EHBP1: variants seen among roughly 807,000 people sequenced by gnomAD.
EHBP1 encodes the protein EH domain-binding protein 1.
In EHBP1, 55 loss-of-function variants were observed where a neutral mutation model predicts 144.0. That is an observed-to-expected ratio of 0.38 (90% CI 0.31 to 0.48). The LOEUF is 0.48. Among genes scored for constraint, EHBP1 ranks in the 20% least tolerant of loss-of-function variants. EHBP1 has a pLI of 0.98. For missense variants in EHBP1, 1,200 were observed against 1,364.2 expected, an observed-to-expected ratio of 0.88 and a Z score of 1.90; for synonymous variants, 469 against 472.7, an observed-to-expected ratio of 0.99 and a Z score of 0.10.
In EHBP1 at chr2:62,771,347, T is replaced by C; in HGVS notation, c.267T>C (p.His89=). 1.3e-6 allele frequency: 2 copies of C among 1,595,238 alleles called. No individual in the cohort carries two copies. Among genetic ancestry groups the C allele is most frequent in the Non-Finnish European group, 1.7e-6 (2 of 1,170,560 alleles). The change falls in exon 5 of 23, where the codon CAT becomes CAC. Residue 89 remains histidine (H), a synonymous_variant. Coordinates refer to ENST00000431489, the MANE Select transcript of EHBP1 (RefSeq NM_001142616.3). The stretch of plus-strand genomic sequence containing the variant: ...TTTTGCTTTTGTTACAGGATCCTCA[T>C]GCGGAAGAATTTGAAGACAAAGAGT... ...EITVTLFKDP[H]AEEFEDKEWT...
intron 21 of EHBP1, among the ~76,000 whole-genome samples, chr2:63,041,260 C>T (rs1415970310): frequency 6.6e-6 from 1 of 152,136 alleles, no homozygotes; most frequent in Admixed American, 6.5e-5. Flanking sequence ...GCAGGAGTTT[C>T]ATTCTACTGA....
At chr2:62,730,238 C>T (rs1050007688) in intron 2 of EHBP1, among the ~76,000 whole-genome samples, 2 of 151,968 alleles carry the variant, frequency 1.3e-5, no homozygotes, top group Non-Finnish European at 2.9e-5. Context: ...GACATGATTC[C>T]ACCGTTATAG....
chr2:62,780,378 G>T (rs1390604826), intron 5 of EHBP1, among the ~76,000 whole-genome samples: 5 of 151,950 alleles, frequency 3.3e-5, no homozygotes, highest in African/African-American at 7.3e-5. Flanking sequence ...ATTAGGCGGG[G>T]TATAATAGAT....
chr2:62,955,473 C>T, intron 13 of EHBP1, 44 bp from the exon 14 acceptor site: 1 of 1,563,758 alleles, frequency 6.4e-7, no homozygotes, highest in Non-Finnish European at 8.7e-7. Context: ...ATGTAGATTA[C>T]CCGTTTTTTT....
chr2:63,016,104 G>GA (rs1206278218), intron 19 of EHBP1, among the ~76,000 whole-genome samples: 3 of 151,936 alleles, frequency 2.0e-5, no homozygotes, highest in Non-Finnish European at 4.4e-5. Context: ...AAAGAAACCA[G>GA]AAAAAATGAT....
intron 10 of EHBP1, among the ~76,000 whole-genome samples, chr2:62,936,762 T>C (rs935525048): frequency 6.6e-5 from 10 of 152,146 alleles, no homozygotes; most frequent in Non-Finnish European, 1.5e-4. Flanking sequence ...GAGAATAAAG[T>C]GAAGTGATTT....
chr2:62,785,493 G>A (rs1229622862), intron 5 of EHBP1, among the ~76,000 whole-genome samples: 1 of 152,152 alleles, frequency 6.6e-6, no homozygotes, highest in Admixed American at 6.6e-5. Context: ...GTCAGAGAGT[G>A]TAGGGTGACT....
intron 10 of EHBP1, among the ~76,000 whole-genome samples, chr2:62,895,070 C>T (rs1355796478): frequency 1.3e-5 from 2 of 152,116 alleles, no homozygotes; most frequent in Non-Finnish European, 2.9e-5. Flanking sequence ...CATTTGGTAT[C>T]ATTCTACTTA....
chr2:62,726,628 T>A (rs2151972052), intron 2 of EHBP1: 1 of 152,326 alleles, frequency 6.6e-6, no homozygotes, highest in South Asian at 2.1e-4. Flanking sequence ...TTTGTTTTTA[T>A]TTTTTATTTT....
intron 17 of EHBP1, 92 bp downstream of exon 17, chr2:62,993,760 C>CTATATATATATACT: frequency 1.5e-6 from 1 of 682,044 alleles, no homozygotes; most frequent in Non-Finnish European, 2.1e-6. Context: ...ATATATATAG[C>CTATATATATATACT]ATATATATAT....
At chr2:62,721,975 C>A (rs1280841317) in intron 2 of EHBP1, among the ~76,000 whole-genome samples, 1 of 152,110 alleles carries the variant, frequency 6.6e-6, no homozygotes, top group Non-Finnish European at 1.5e-5. Context: ...TACATTTCCC[C>A]TCAATTCCCC....
Position 62,709,601 on chromosome 2 carries a change from G to A in EHBP1, c.104+2306G>A, listed in dbSNP as rs182709000. Among the ~76,000 whole-genome samples, 24 of 152,168 alleles carry A rather than the reference G, an allele frequency of 1.6e-4. No individual in the cohort carries two copies. In the South Asian group the frequency reaches 2.9e-3, roughly 18 times the overall value. Reference sequence around the variant, plus strand: ...TGTGTCTAAAGGTAAAAGCTACAGCGAAAATTTAGCTTGATTGCAGTTGAA... The same window carrying A: ...TGTGTCTAAAGGTAAAAGCTACAGCAAAAATTTAGCTTGATTGCAGTTGAA... On this transcript the variant is annotated intron_variant, in intron 2 of 22. Coordinates refer to ENST00000431489, the MANE Select transcript of EHBP1 (RefSeq NM_001142616.3).
chr2:62,810,941 T>C (rs1009117267), intron 5 of EHBP1, among the ~76,000 whole-genome samples: 18 of 152,198 alleles, frequency 1.2e-4, no homozygotes, highest in African/African-American at 4.1e-4. Flanking sequence ...GTTGCTTTAA[T>C]AATTTTTTTT....
At chr2:62,748,322 A>G (rs2039346764) in intron 3 of EHBP1, among the ~76,000 whole-genome samples, 1 of 152,028 alleles carries the variant, frequency 6.6e-6, no homozygotes, top group South Asian at 2.1e-4. Context: ...GTGGAACCGA[A>G]TTTTATAATA....
At chr2:62,713,005 C>G (rs1313566869) in intron 2 of EHBP1, among the ~76,000 whole-genome samples, 3 of 151,952 alleles carry the variant, frequency 2.0e-5, no homozygotes, top group Non-Finnish European at 4.4e-5. Context: ...GAATTTCTTG[C>G]TGTGTTTGAG....
intron 7 of EHBP1, among the ~76,000 whole-genome samples, chr2:62,855,045 G>A (rs1200927498): frequency 6.6e-6 from 1 of 152,214 alleles, no homozygotes; most frequent in African/African-American, 2.4e-5. Flanking sequence ...CCACTGCAGG[G>A]AGCAGGCAGG....
At chr2:62,882,742 T>G (rs954720740) in intron 10 of EHBP1, among the ~76,000 whole-genome samples, 1 of 151,908 alleles carries the variant, frequency 6.6e-6, no homozygotes, top group African/African-American at 2.4e-5. Context: ...ATTAGCCAGG[T>G]GTGGTGGCGC....
chr2:62,791,399 T>C (rs1230694711), intron 5 of EHBP1, among the ~76,000 whole-genome samples: 2 of 152,052 alleles, frequency 1.3e-5, no homozygotes, highest in East Asian at 1.9e-4. Flanking sequence ...GGCTTATTCA[T>C]TTAAGTTCAA....
intron 2 of EHBP1, among the ~76,000 whole-genome samples, chr2:62,717,291 A>T (rs1442642258): frequency 6.6e-6 from 1 of 152,182 alleles, no homozygotes; most frequent in Non-Finnish European, 1.5e-5. Context: ...TGCCCAGGGA[A>T]CTTAAAATTA....
Sources: allele counts gnomAD v4.1 joint callset (sites outside exome capture counted in the v4.1 genomes callset), GRCh38; gene constraint gnomAD v4.1.1; transcripts MANE v1.5; gene names NCBI Gene and HGNC (gene_info 2026-07-23, HGNC 2026-07-21).